Variants in IARS1 observed in about 807,000 individuals in gnomAD.
The protein encoded by IARS1 is isoleucine--tRNA ligase, cytoplasmic.
Under a neutral mutation model 168.2 loss-of-function variants are expected in IARS1, and 124 were observed. The observed-to-expected ratio is 0.74, with a 90% CI of 0.64 to 0.86. IARS1 has a LOEUF of 0.86. IARS1 is among the 40% of genes least tolerant of loss of function. IARS1 has a pLI of 0.00. For synonymous variants in IARS1, 532 were observed against 529.4 expected, an observed-to-expected ratio of 1.00 and a Z score of -0.07; for missense variants, 1,452 against 1,515.8, an observed-to-expected ratio of 0.96 and a Z score of 0.70.
At chr9:92,216,579 T>C (rs1838739999) in intron 33 of IARS1, among the ~76,000 whole-genome samples, 1 of 128,800 alleles carries the variant, frequency 7.8e-6, no homozygotes, top group Non-Finnish European at 1.6e-5. Context: ...TGGAGGAAGA[T>C]CTACCAAGCA....
At chr9:92,216,297 G>A (rs1838677672) in intron 33 of IARS1, among the ~76,000 whole-genome samples, 2 of 150,826 alleles carry the variant, frequency 1.3e-5, no homozygotes, top group East Asian at 3.9e-4. Flanking sequence ...AGGAACAACC[G>A]GTACCAGCTG....
intron 33 of IARS1, among the ~76,000 whole-genome samples, chr9:92,215,119 C>T (rs1451137302): frequency 6.6e-6 from 1 of 152,200 alleles, no homozygotes; most frequent in African/African-American, 2.4e-5. Context: ...TGACCCCTGA[C>T]CCCCGAGCAG....
intron 33 of IARS1, among the ~76,000 whole-genome samples, chr9:92,218,771 A>T (rs1044450651): frequency 6.9e-6 from 1 of 145,390 alleles, no homozygotes; most frequent in African/African-American, 2.6e-5. Flanking sequence ...GAAATAAAAG[A>T]GGATACAAAC....
At chr9:92,239,995 T>C (rs552672708) in intron 30 of IARS1, among the ~76,000 whole-genome samples, 56 of 152,322 alleles carry the variant, frequency 3.7e-4, no homozygotes, top group Non-Finnish European at 6.9e-4. Context: ...GTACTTGACA[T>C]TTCCAGGTTG....
rs543596511 is a variant in IARS1 at position 92,225,837 on chromosome 9, G to A, written c.3410-2348C>T. Among the ~76,000 whole-genome samples the A allele has an allele frequency of 4.6e-5, 7 of 152,212 alleles. No individual in the cohort carries two copies. The South Asian group carries it at 1.4e-3, about 31-fold the overall frequency. ...TGCTAAACAGGCTAACATGGGGCCC[G>A]TGCCCTTGGCTTTCTCAGGTTGCTG... On this transcript the variant is annotated intron_variant, in intron 31 of 33. Transcript: ENST00000443024.
chr9:92,216,441 A>G, intron 33 of IARS1, among the ~76,000 whole-genome samples: 1 of 143,048 alleles, frequency 7.0e-6, no homozygotes, highest in African/African-American at 2.6e-5. Flanking sequence ...TTAAATGTAA[A>G]TGGACTAAAT....
chr9:92,283,721 A>C (rs1835004041), intron 6 of IARS1, among the ~76,000 whole-genome samples: 1 of 152,234 alleles, frequency 6.6e-6, no homozygotes, highest in South Asian at 2.1e-4. Context: ...AACGTGTACA[A>C]GACCTAAAAG....
chr9:92,269,682 T>A (rs1351424536), intron 13 of IARS1, among the ~76,000 whole-genome samples: 1 of 152,238 alleles, frequency 6.6e-6, no homozygotes, highest in Non-Finnish European at 1.5e-5. Context: ...CTCCCTTACA[T>A]ACTTTATCAC....
chr9:92,250,241 C>G lies in IARS1; in HGVS notation c.2478G>C (p.Gln826His). ...KKTESAVSQM[Q>H]SVIELGRVIR... ...TCACTCTTCCAAGTTCAATCACAGACTGCATCTGAGATACTGCACTCTCTG... is the reference window on the plus strand; with the variant it reads ...TCACTCTTCCAAGTTCAATCACAGAGTGCATCTGAGATACTGCACTCTCTG... The change falls in exon 24 of 34, where the codon CAG (glutamine) becomes CAC (histidine). Residue 826 changes from glutamine (Q) to histidine (H), a missense_variant. Gln to His is a conservative substitution (Grantham distance 24). Coordinates refer to ENST00000443024, the MANE Select transcript of IARS1 (RefSeq NM_002161.6). 1.2e-6 allele frequency: 2 copies of G among 1,612,998 alleles called. No individual in the cohort carries two copies. The highest frequency in any genetic ancestry group is 1.7e-6 in the Non-Finnish European group (2 of 1,178,978).
intron 30 of IARS1, among the ~76,000 whole-genome samples, chr9:92,230,117 C>CA (rs1554724375): frequency 2.1e-5 from 3 of 145,876 alleles, no homozygotes; most frequent in Non-Finnish European, 4.5e-5. Flanking sequence ...CTTTTCTTTT[C>CA]TTTTTTTTTT....
chr9:92,258,904 A>G lies in IARS1; in HGVS notation c.1966T>C (p.Trp656Arg), dbSNP rs2133781234. ...RDVLKDVLLP[W>R]YNAYRFLIQN... ...ATTAAGAAGCGATAGGCATTGTACC[A>G]TGGGAGCAGTACATCCTTAAGGACG... Residue 656 changes from tryptophan to arginine, a missense_variant, in exon 19 of 34, where the codon TGG becomes CGG. Coordinates refer to ENST00000443024, the MANE Select transcript of IARS1 (RefSeq NM_002161.6). The G allele has an allele frequency of 1.2e-6, 2 of 1,613,984 alleles. No homozygotes were observed. The highest frequency in any genetic ancestry group is 2.2e-5 in the East Asian group (1 of 44,878).
At chr9:92,216,416 A>G (rs1458388650) in intron 33 of IARS1, among the ~76,000 whole-genome samples, 1 of 148,910 alleles carries the variant, frequency 6.7e-6, no homozygotes, top group Middle Eastern at 3.4e-3. Context: ...AAATTCACAC[A>G]TAACAATATT....
intron 7 of IARS1, among the ~76,000 whole-genome samples, chr9:92,279,313 T>C (rs1171201011): frequency 1.3e-5 from 2 of 152,224 alleles, no homozygotes; most frequent in East Asian, 1.9e-4. Context: ...ACAAGAGTTA[T>C]ACACAGGTAG....
chr9:92,222,340 C>CAAAAAAA (rs60335070), intron 33 of IARS1, among the ~76,000 whole-genome samples, 180 bp downstream of exon 33: 20 of 55,386 alleles, frequency 3.6e-4, no homozygotes, highest in African/African-American at 5.1e-4. Flanking sequence ...GACTCAGTCT[C>CAAAAAAA]AAAAAAAAAA....
intron 1 of IARS1, among the ~76,000 whole-genome samples, chr9:92,293,012 A>T (rs1469080232): frequency 6.6e-6 from 1 of 152,194 alleles, no homozygotes; most frequent in Non-Finnish European, 1.5e-5. Context: ...GATCCTACCT[A>T]TAAGCCTATT....
intron 30 of IARS1, among the ~76,000 whole-genome samples, chr9:92,234,327 G>GT (rs1294558864): frequency 2.6e-5 from 4 of 152,174 alleles, no homozygotes; most frequent in South Asian, 4.1e-4. Flanking sequence ...GATTTGTATG[G>GT]TTTTTTCCCT....
At chr9:92,228,471 G>A (rs2133464247) in intron 31 of IARS1, among the ~76,000 whole-genome samples, 1 of 152,272 alleles carries the variant, frequency 6.6e-6, no homozygotes, top group East Asian at 1.9e-4. Flanking sequence ...CGGCACTTTG[G>A]GAGGCCAAGG....
At chr9:92,211,092 C>G (rs1399266440) in intron 33 of IARS1, among the ~76,000 whole-genome samples, 1 of 152,138 alleles carries the variant, frequency 6.6e-6, no homozygotes, top group Non-Finnish European at 1.5e-5. Context: ...GGTATGTTCA[C>G]CAAACCTGAC....
chr9:92,213,675 C>A (rs7040949), intron 33 of IARS1, among the ~76,000 whole-genome samples: 3 of 151,978 alleles, frequency 2.0e-5, no homozygotes, highest in Non-Finnish European at 4.4e-5. Flanking sequence ...CTTGAGCCAT[C>A]CCATTTGTGG....
Sources: allele counts gnomAD v4.1 joint callset (sites outside exome capture counted in the v4.1 genomes callset), GRCh38; gene constraint gnomAD v4.1.1; transcripts MANE v1.5; gene names NCBI Gene and HGNC (gene_info 2026-07-23, HGNC 2026-07-21).